ARMH1: variants seen among roughly 807,000 people sequenced by gnomAD.
ARMH1 encodes the protein armadillo-like helical domain containing protein 1.
ARMH1 carries 34 observed loss-of-function variants against 50.2 expected under a neutral mutation model. The observed-to-expected ratio is 0.68, with a 90% confidence interval of 0.51 to 0.90. The LOEUF (loss-of-function observed/expected upper bound fraction) is 0.90. ARMH1 is among the 40% of genes least tolerant of loss of function. The pLI is 0.00. For missense variants in ARMH1, 538 were observed against 553.9 expected (o/e 0.97, Z 0.29); for synonymous variants, 221 against 224.2 (o/e 0.99, Z 0.13).
intron 6 of ARMH1, among the ~76,000 whole-genome samples, chr1:44,718,529 G>A (rs1272257024): frequency 6.6e-6 from 1 of 152,188 alleles, no homozygotes; most frequent in African/African-American, 2.4e-5. Flanking sequence ...GTGTTTGGGG[G>A]AAGCCAGGGA....
At chr1:44,702,639 G>A (rs1350543241) in intron 5 of ARMH1, among the ~76,000 whole-genome samples, 2 of 148,408 alleles carry the variant, frequency 1.3e-5, no homozygotes, top group African/African-American at 2.5e-5. Flanking sequence ...TTGAATCCAG[G>A]AGGCGGAGGT....
intron 6 of ARMH1, among the ~76,000 whole-genome samples, chr1:44,711,244 G>A (rs554734049): frequency 4.6e-5 from 7 of 152,288 alleles, no homozygotes; most frequent in African/African-American, 1.7e-4. Flanking sequence ...TGGTAATTCT[G>A]TTTAACTCGT....
intron 5 of ARMH1, 59 bp from the exon 6 acceptor site, chr1:44,704,030 A>G: frequency 7.1e-7 from 1 of 1,415,560 alleles, no homozygotes; most frequent in Admixed American, 2.1e-5. Context: ...CCGGCCGGGA[A>G]TCCATCTTTA....
chr1:44,698,614 C>T lies in ARMH1; in HGVS notation c.442+385C>T, dbSNP rs190305353. ...TCACCTGAGGTCAGGAGTTTGAGAC[C>T]AGCCTGACCAACATGGAGAAACCCC... On this transcript the variant is annotated intron_variant, in intron 4 of 11. Transcript: ENST00000535358. 4.7e-5 allele frequency among the ~76,000 whole-genome samples: 7 copies of T among 149,592 alleles called. No individual in the cohort carries two copies. In the East Asian group the frequency reaches 1.4e-3, roughly 30 times the overall value.
chr1:44,696,173 C>A (rs12022162), intron 2 of ARMH1, among the ~76,000 whole-genome samples: 105,909 of 152,076 alleles, frequency 0.7, 37,212 homozygotes, highest in South Asian at 0.81. Flanking sequence ...GCTCCAGAGC[C>A]AACACTATTT....
Position 44,706,664 on chromosome 1 carries a change from C to T in ARMH1, c.724+2491C>T, listed in dbSNP as rs183340567. ...ATTGTCGGTTTTGTATTTTTTGACC[C>T]CTGCAAGGTCTGTGTGCATATGTGG... On this transcript the variant is annotated intron_variant, in intron 6 of 11. Transcript: ENST00000535358. 3.0e-4 allele frequency among the ~76,000 whole-genome samples: 46 copies of T among 152,234 alleles called. 1 individual carries two copies. Among genetic ancestry groups the T allele is most frequent in the Non-Finnish European group, 4.4e-5 (3 of 68,010 alleles).
Position 44,724,431 on chromosome 1 carries a change from T to G in ARMH1, c.920+39T>G. On this transcript the variant is annotated intron_variant, in intron 8 of 11. Coordinates refer to ENST00000535358, the MANE Select transcript of ARMH1 (RefSeq NM_001145636.2). This position sits in a 1 kb window ranked among gnomAD's most constrained non-coding sequence, Gnocchi z 6.4. ...GGTTAGTGGGTAGCTGCAGCAAGCC[T>G]GGCTTGGCGCTGCCGGCGGGCCCCG... 6.5e-7 allele frequency: 1 copy of G among 1,542,186 alleles called. No homozygotes were observed. Among genetic ancestry groups the G allele is most frequent in the Non-Finnish European group, 8.7e-7 (1 of 1,144,396 alleles).
intron 6 of ARMH1, among the ~76,000 whole-genome samples, chr1:44,712,735 C>T (rs955236794): frequency 1.4e-5 from 2 of 143,544 alleles, no homozygotes; most frequent in African/African-American, 5.2e-5. Flanking sequence ...GCGATCTTGG[C>T]TCACTGGAAC....
chr1:44,706,288 C>T (rs2148690831), intron 6 of ARMH1, among the ~76,000 whole-genome samples: 1 of 152,130 alleles, frequency 6.6e-6, no homozygotes, highest in East Asian at 1.9e-4. Context: ...GTACATAGCC[C>T]CAGGAAGAGA....
At position 44,675,965 on chromosome 1, in the gene ARMH1, A is replaced by G. The variant is rs189287799; in HGVS notation, c.-23+1092A>G. ...ACAGAGCGCGACTCTGTCTCAAAAAAAAAGAAACATTAGTGCAGGAACTGG... is the reference window on the plus strand; with the variant it reads ...ACAGAGCGCGACTCTGTCTCAAAAAGAAAGAAACATTAGTGCAGGAACTGG... On this transcript the variant is annotated intron_variant, in intron 1 of 11. Coordinates refer to ENST00000535358, the MANE Select transcript of ARMH1 (RefSeq NM_001145636.2). Among the ~76,000 whole-genome samples, 125 of 152,296 alleles carry G rather than the reference A, an allele frequency of 8.2e-4. 1 individual carries two copies. The highest frequency in any genetic ancestry group is 2.9e-3 in the African/African-American group (122 of 41,554).
At position 44,704,158 on chromosome 1, in the gene ARMH1, G is replaced by C. The variant is rs1379886369; in HGVS notation, c.709G>C (p.Glu237Gln). The C allele has an allele frequency of 1.9e-6, 3 of 1,551,178 alleles. No individual in the cohort carries two copies. The highest frequency in any genetic ancestry group is 2.7e-5 in the African/African-American group (2 of 73,012). Residue 237 changes from glutamate to glutamine, a missense_variant, in exon 6 of 12, where the codon GAA becomes CAA. Transcript: ENST00000535358. ...GAAGGTGCTGGGCACGATGCACCTG[G>C]AAGTCCAGTATGAAGGTAGGGAGCC... ...VLKVLGTMHL[E>Q]VQYEAIELIK... is the part of the protein sequence containing the mutation.
chr1:44,721,035 TCAAAA>T lies in ARMH1; in HGVS notation c.725-3071_725-3067del, dbSNP rs529978948. ...CTGGGTGACAGAGTGAAACTCCATC[TCAAAA>T]CAAAACAAAACAAAAAAAGGGCAAA... On this transcript the variant is annotated intron_variant, in intron 6 of 11. Transcript: ENST00000535358. 1.4e-3 allele frequency among the ~76,000 whole-genome samples: 213 copies of T among 150,804 alleles called. 1 individual carries two copies. Among genetic ancestry groups the T allele is most frequent in the African/African-American group, 4.7e-3 (192 of 41,112 alleles).
intron 2 of ARMH1, among the ~76,000 whole-genome samples, chr1:44,694,629 C>T (rs138026432): frequency 0.023 from 3,514 of 151,598 alleles, 142 homozygotes; most frequent in African/African-American, 0.082. Flanking sequence ...CCTGCCTCAG[C>T]CTCCCGAGTA....
chr1:44,711,667 C>A (rs1033970562), intron 6 of ARMH1, among the ~76,000 whole-genome samples: 1 of 151,992 alleles, frequency 6.6e-6, no homozygotes, highest in Non-Finnish European at 1.5e-5. Context: ...CTCATTTATT[C>A]ATTTACTTAT....
chr1:44,710,880 C>T (rs182207411), intron 6 of ARMH1, among the ~76,000 whole-genome samples: 3 of 152,302 alleles, frequency 2.0e-5, no homozygotes, highest in Admixed American at 1.3e-4. Flanking sequence ...CCTGGGAAGC[C>T]CCAATCTTCA....
At chr1:44,699,057 C>T (rs1025820186) in intron 4 of ARMH1, among the ~76,000 whole-genome samples, 2 of 151,738 alleles carry the variant, frequency 1.3e-5, no homozygotes, top group Non-Finnish European at 2.9e-5. Flanking sequence ...CAGAGGCAGT[C>T]GGATCACGAG....
intron 2 of ARMH1, among the ~76,000 whole-genome samples, chr1:44,690,336 A>AT (rs1255296503): frequency 5.9e-5 from 9 of 151,644 alleles, no homozygotes. Flanking sequence ...TTTAAAAAAA[A>AT]GTGATAAAAA....
chr1:44,704,057 T>A, intron 5 of ARMH1, 32 bp from the exon 6 acceptor site: 4 of 1,450,924 alleles, frequency 2.8e-6, no homozygotes, highest in South Asian at 1.3e-5. Context: ...AAAAAAAGAC[T>A]AACCACCTTG....
At position 44,700,955 on chromosome 1, in the gene ARMH1, T is replaced by C. The variant is rs1454602363; in HGVS notation, c.475T>C (p.Ser159Pro). 2 of 1,551,514 alleles carry C rather than the reference T, an allele frequency of 1.3e-6. No individual in the cohort carries two copies. Among genetic ancestry groups the C allele is most frequent in the South Asian group, 2.4e-5 (2 of 84,028 alleles). ...ATCCATAGCAGAATTTTTGGCAAAGTCTAAGTCAGAAGAGACCCAGGAGGA... is the reference window on the plus strand; with the variant it reads ...ATCCATAGCAGAATTTTTGGCAAAGCCTAAGTCAGAAGAGACCCAGGAGGA... ...VRSIAEFLAK[S>P]KSEETQEEVQ... The change falls in exon 5 of 12, where the codon TCT becomes CCT. Residue 159 changes from serine (S) to proline (P), a missense_variant. Ser to Pro is a moderately conservative substitution (Grantham distance 74, BLOSUM62 -1). Transcript: ENST00000535358.
Sources: allele counts gnomAD v4.1 joint callset (sites outside exome capture counted in the v4.1 genomes callset), GRCh38; gene constraint gnomAD v4.1.1; non-coding constraint Gnocchi (gnomAD v3.1); transcripts MANE v1.5; gene names NCBI Gene and HGNC (gene_info 2026-07-23, HGNC 2026-07-21).